RORA: variants seen among roughly 807,000 people sequenced by gnomAD.
RORA encodes nuclear receptor ROR-alpha.
RORA carries 7 observed loss-of-function variants against 69.5 expected under a neutral mutation model. The ratio of observed to expected loss-of-function variants is 0.10; its 90% CI spans 0.06 to 0.19. The LOEUF (loss-of-function observed/expected upper bound fraction) is 0.19, where lower values mean the gene tolerates loss of function less well. Among genes scored for constraint, RORA ranks in the 10% least tolerant of loss-of-function variants. RORA has a pLI of 1.00. For synonymous variants in RORA, 261 were observed against 240.8 expected (o/e 1.08, Z -0.78); for missense variants, 457 against 663.0 (o/e 0.69, Z 3.41).
intron 1 of RORA, among the ~76,000 whole-genome samples, chr15:61,037,838 G>C (rs1595903275): frequency 6.6e-6 from 1 of 152,194 alleles, no homozygotes; most frequent in East Asian, 1.9e-4. Flanking sequence ...AGAGTAAGTA[G>C]TAATTAACTC....
chr15:60,631,675 A>G (rs1191410332), intron 2 of RORA, among the ~76,000 whole-genome samples: 1 of 152,162 alleles, frequency 6.6e-6, no homozygotes, highest in Non-Finnish European at 1.5e-5. Flanking sequence ...TTAACATCGG[A>G]GGGGAAAACA....
chr15:61,214,483 T>C (rs898881374), intron 1 of RORA, among the ~76,000 whole-genome samples: 5 of 152,216 alleles, frequency 3.3e-5, no homozygotes, highest in Non-Finnish European at 7.3e-5. Flanking sequence ...GCATTATATA[T>C]ACGAAAGTTA....
At chr15:61,027,071 C>A (rs1311562931) in intron 1 of RORA, among the ~76,000 whole-genome samples, 1 of 151,362 alleles carries the variant, frequency 6.6e-6, no homozygotes, top group Non-Finnish European at 1.5e-5. Flanking sequence ...TGTAACTGAG[C>A]TGTATTTGGT....
intron 1 of RORA, among the ~76,000 whole-genome samples, chr15:60,891,308 T>C (rs771283600): frequency 1.3e-5 from 2 of 152,198 alleles, no homozygotes; most frequent in Admixed American, 6.5e-5. Flanking sequence ...TGTGTGCACA[T>C]TGTGTGTGTG....
At chr15:60,592,542 G>C (rs1395648017) in intron 2 of RORA, 4 of 1,276,002 alleles carry the variant, frequency 3.1e-6, no homozygotes, top group Non-Finnish European at 3.9e-6. Flanking sequence ...CCCGCCGAGA[G>C]CCATCCCGAG....
intron 1 of RORA, among the ~76,000 whole-genome samples, chr15:60,735,585 A>AG (rs2071486081): frequency 6.6e-6 from 1 of 152,192 alleles, no homozygotes; most frequent in South Asian, 2.1e-4. Context: ...GGAAAAAAAA[A>AG]AAACCAAGTT....
intron 1 of RORA, among the ~76,000 whole-genome samples, chr15:61,011,022 A>T (rs1254196433): frequency 6.6e-6 from 1 of 152,216 alleles, no homozygotes; most frequent in African/African-American, 2.4e-5. Context: ...TTACTTCATG[A>T]TATAAAAAGA....
intron 1 of RORA, among the ~76,000 whole-genome samples, chr15:60,728,609 G>T (rs1820357): frequency 0.51 from 77,523 of 151,952 alleles, 19,935 homozygotes; most frequent in Non-Finnish European, 0.55. Flanking sequence ...ATGAAGAAAA[G>T]ATTATGTCTC....
chr15:60,517,110 C>CT (rs34707279), intron 3 of RORA, among the ~76,000 whole-genome samples: 88,548 of 141,262 alleles, frequency 0.63, 29,420 homozygotes, highest in East Asian at 0.87. Flanking sequence ...TTCATCTGTG[C>CT]TTTTTTTTTT....
intron 2 of RORA, among the ~76,000 whole-genome samples, chr15:60,562,012 C>T (rs1038506274): frequency 2.6e-4 from 39 of 151,654 alleles, no homozygotes; most frequent in African/African-American, 8.7e-4. Flanking sequence ...GGCGCGATCT[C>T]GGATCACCGC....
intron 1 of RORA, among the ~76,000 whole-genome samples, chr15:61,117,342 G>T (rs1013178882): frequency 6.6e-6 from 1 of 151,934 alleles, no homozygotes; most frequent in African/African-American, 2.4e-5. Context: ...ACCATGATTT[G>T]ATTAAGTTCA....
chr15:60,649,070 C>T (rs905199096), intron 2 of RORA, among the ~76,000 whole-genome samples: 3 of 152,038 alleles, frequency 2.0e-5, no homozygotes, highest in Non-Finnish European at 4.4e-5. Flanking sequence ...TTCAAGTTGC[C>T]GTGACTCTGA....
chr15:60,873,668 C>T (rs1004474549), intron 1 of RORA, among the ~76,000 whole-genome samples: 23 of 152,232 alleles, frequency 1.5e-4, no homozygotes, highest in Admixed American at 7.2e-4. Context: ...GGGAAAGCTG[C>T]CACAGCTATT....
intron 2 of RORA, among the ~76,000 whole-genome samples, chr15:60,565,047 G>C (rs936326546): frequency 5.2e-4 from 79 of 152,048 alleles, no homozygotes; most frequent in African/African-American, 1.7e-3. Flanking sequence ...GAGTGTTCCT[G>C]AAACAGTCTC....
chr15:60,882,672 A>C (rs62006803), intron 1 of RORA, among the ~76,000 whole-genome samples: 124 of 115,066 alleles, frequency 1.1e-3, no homozygotes, highest in Non-Finnish European at 2.0e-3. Flanking sequence ...CACACACACA[A>C]ACACACACAC....
At chr15:61,177,155 A>C (rs2079636278) in intron 1 of RORA, among the ~76,000 whole-genome samples, 1 of 152,212 alleles carries the variant, frequency 6.6e-6, no homozygotes, top group Admixed American at 6.5e-5. Context: ...TAATTCTAGA[A>C]CTTTTCAGCA....
chr15:60,502,044 G>A (rs1036683678), intron 8 of RORA, among the ~76,000 whole-genome samples: 1 of 152,182 alleles, frequency 6.6e-6, no homozygotes, highest in Non-Finnish European at 1.5e-5. Context: ...GCAGTGGCAT[G>A]ATCTCAGCTC....
intron 2 of RORA, among the ~76,000 whole-genome samples, chr15:60,532,471 A>T (rs2066554689): frequency 1.3e-5 from 2 of 152,160 alleles, no homozygotes; most frequent in South Asian, 2.1e-4. Context: ...GACAAATAGG[A>T]TGTGTTGCTT....
intron 1 of RORA, among the ~76,000 whole-genome samples, chr15:60,997,039 TTGTGTGTGTG>T (rs10687177): frequency 6.7e-6 from 1 of 148,332 alleles, no homozygotes; most frequent in Admixed American, 6.7e-5. Context: ...ATATTGGGGT[TTGTGTGTGTG>T]TGTGTGTGTG....
Sources: allele counts gnomAD v4.1 joint callset (sites outside exome capture counted in the v4.1 genomes callset), GRCh38; gene constraint gnomAD v4.1.1; transcripts MANE v1.5; gene names NCBI Gene and HGNC (gene_info 2026-07-23, HGNC 2026-07-21).